The following GCA variants were observed in gnomAD, a reference collection of about 807,000 sequenced individuals.
GCA encodes the protein grancalcin, also known as grancalcin, EF-hand calcium-binding protein.
A neutral mutation model predicts 32.6 loss-of-function variants in GCA; 30 were observed. The ratio of observed to expected loss-of-function variants is 0.92; its 90% CI spans 0.69 to 1.25. GCA has a LOEUF of 1.25. Ranked by LOEUF, GCA falls within the 50% of genes most tolerant of loss-of-function variation. The pLI is 0.00. For missense variants in GCA, 291 were observed against 266.8 expected (o/e 1.09, Z -0.63); for synonymous variants, 102 against 84.6 (o/e 1.21, Z -1.13).
At chr2:162,371,363 G>A in exon 5 of GCA, 4 of 1,288,508 alleles carry the variant, frequency 3.1e-6, no homozygotes, top group Non-Finnish European at 4.1e-6. Context: ...ACCTGAATCT[G>A]TGTGCAAAAG....
chr2:162,351,548 T>A (rs76527722), intron 2 of GCA, among the ~76,000 whole-genome samples: 3 of 152,178 alleles, frequency 2.0e-5, no homozygotes, highest in African/African-American at 4.8e-5. Flanking sequence ...TCCATTAGAA[T>A]GTGAGTGTTA....
intron 1 of GCA, among the ~76,000 whole-genome samples, chr2:162,346,865 T>C (rs1247322566): frequency 6.6e-6 from 1 of 152,224 alleles, no homozygotes; most frequent in East Asian, 1.9e-4. Flanking sequence ...GTTATGGCTT[T>C]AGTTAAAACT....
intron 3 of GCA, among the ~76,000 whole-genome samples, chr2:162,354,369 A>G (rs1685151865): frequency 1.3e-5 from 2 of 152,096 alleles, no homozygotes; most frequent in South Asian, 4.1e-4. Context: ...GTGGACTCAG[A>G]AGGGTTCTCA....
At chr2:162,333,562 TC>T (rs1558886999) in intron 1 of GCA, among the ~76,000 whole-genome samples, 1 of 152,122 alleles carries the variant, frequency 6.6e-6, no homozygotes, top group African/African-American at 2.4e-5. Context: ...ATTTCATTCA[TC>T]CTTTCTCCCT....
At chr2:162,348,633 G>A (rs73014815) in intron 2 of GCA, among the ~76,000 whole-genome samples, 2 of 152,224 alleles carry the variant, frequency 1.3e-5, no homozygotes, top group Non-Finnish European at 2.9e-5. Context: ...CAATAGGGAC[G>A]TGTGAAACTG....
At chr2:162,363,411 T>A (rs1419128721), downstream of GCA, among the ~76,000 whole-genome samples, 1 of 151,394 alleles carries the variant, frequency 6.6e-6, no homozygotes, top group Non-Finnish European at 1.5e-5. Flanking sequence ...AAATACATAA[T>A]GCTAAAATAT....
At chr2:162,350,210 A>G (rs1684922059) in intron 2 of GCA, among the ~76,000 whole-genome samples, 1 of 152,172 alleles carries the variant, frequency 6.6e-6, no homozygotes, top group Non-Finnish European at 1.5e-5. Context: ...TACTGGGAGC[A>G]AGCCTTGGCT....
chr2:162,321,477 AC>A (rs1683662429), intron 1 of GCA, among the ~76,000 whole-genome samples: 1 of 151,962 alleles, frequency 6.6e-6, no homozygotes, highest in African/African-American at 2.4e-5. Context: ...TTAGTGAGAA[AC>A]CCTGGAATTG....
At position 162,349,190 on chromosome 2, in the gene GCA, T is replaced by C. The variant is rs143217485; in HGVS notation, c.192+1448T>C. ...AATTCAGTATATGGTAGAGGTAGCA[T>C]TTCATATCAGTGGGGAAAGAATGAT... is the stretch of plus-strand genomic sequence containing the variant. On this transcript the variant is annotated intron_variant, in intron 2 of 7. Coordinates refer to ENST00000437150, the MANE Select transcript of GCA (RefSeq NM_012198.5). 1.1e-4 allele frequency among the ~76,000 whole-genome samples: 16 copies of C among 152,212 alleles called. No homozygotes were observed. In the East Asian group the frequency reaches 2.7e-3, roughly 26 times the overall value.
At chr2:162,329,445 A>T (rs1161886250) in intron 1 of GCA, among the ~76,000 whole-genome samples, 1 of 152,128 alleles carries the variant, frequency 6.6e-6, no homozygotes, top group Admixed American at 6.5e-5. Flanking sequence ...AGCATTATCA[A>T]CTACAAATTT....
At chr2:162,367,846 C>T (rs1032601582), downstream of GCA, among the ~76,000 whole-genome samples, 34 of 151,936 alleles carry the variant, frequency 2.2e-4, no homozygotes, top group African/African-American at 8.2e-4. Context: ...TATCTCATTT[C>T]TTTCTCAAGC....
chr2:162,354,352 A>G (rs999827220), intron 3 of GCA, among the ~76,000 whole-genome samples: 2 of 152,164 alleles, frequency 1.3e-5, no homozygotes, highest in Admixed American at 6.5e-5. Context: ...CTGCCTGGAA[A>G]GGAGAGGTGG....
chr2:162,337,673 A>T (rs1210761232), intron 1 of GCA, among the ~76,000 whole-genome samples: 1 of 152,204 alleles, frequency 6.6e-6, no homozygotes, highest in Non-Finnish European at 1.5e-5. Context: ...CGTCATCTAC[A>T]TTAGTACCTA....
At position 162,360,883 on chromosome 2, in the gene GCA, T is replaced by C; in HGVS notation, c.*640T>C. 9.0e-7 allele frequency: 1 copy of C among 1,114,818 alleles called. No individual in the cohort carries two copies. Among genetic ancestry groups the C allele is most frequent in the Non-Finnish European group, 1.1e-6 (1 of 890,440 alleles). The allele number at this position is 1,114,818 out of a possible 1,614,324, so 69.1% of individuals were successfully genotyped here. ...ATTATATATTTTTCTTAAATATGTT[T>C]TATTGTCTTCTCTAAGCAAAAAGTT... On this transcript the variant is annotated 3_prime_UTR_variant, in exon 8 of 8. Coordinates refer to ENST00000437150, the MANE Select transcript of GCA (RefSeq NM_012198.5).
downstream of GCA, among the ~76,000 whole-genome samples, chr2:162,366,829 C>T (rs1006709523): frequency 1.3e-5 from 2 of 151,876 alleles, no homozygotes; most frequent in South Asian, 2.1e-4. Context: ...TACTGGCTTT[C>T]GCCTGCTCTG....
downstream of GCA, chr2:162,373,681 T>C (rs1446512545): frequency 1.4e-6 from 2 of 1,432,220 alleles, no homozygotes; most frequent in South Asian, 3.2e-5. Flanking sequence ...CAGACAGAAG[T>C]AGGAAAAGAC....
At chr2:162,351,597 TTTG>T (rs1231434969) in intron 2 of GCA, among the ~76,000 whole-genome samples, 1 of 152,152 alleles carries the variant, frequency 6.6e-6, no homozygotes, top group East Asian at 1.9e-4. Flanking sequence ...AGTTTTTTGT[TTTG>T]TTGTTTCTTG....
In GCA at chr2:162,361,621, C is replaced by T. The variant is rs528721734; in HGVS notation, c.*1378C>T. ...AAAAAATCCTGGAAAGGAAGTAACG[C>T]ATAGTCACTTGACACTGATAATTTT... On this transcript the variant is annotated 3_prime_UTR_variant, in exon 8 of 8. Coordinates refer to ENST00000437150, the MANE Select transcript of GCA (RefSeq NM_012198.5). 1,062 of 981,232 alleles carry T rather than the reference C, an allele frequency of 1.1e-3. No individual in the cohort carries two copies. The highest frequency in any genetic ancestry group is 1.2e-3 in the Non-Finnish European group (1,011 of 826,488). The allele number at this position is 981,232 out of a possible 1,614,324, so 60.8% of individuals were successfully genotyped here.
chr2:162,369,779 A>G (rs897825998), intron 4 of GCA, among the ~76,000 whole-genome samples: 2 of 152,092 alleles, frequency 1.3e-5, no homozygotes, highest in Non-Finnish European at 2.9e-5. Flanking sequence ...AAAATCCCAA[A>G]ATAGTCCTCT....
Sources: allele counts gnomAD v4.1 joint callset (sites outside exome capture counted in the v4.1 genomes callset), GRCh38; gene constraint gnomAD v4.1.1; transcripts MANE v1.5; gene names NCBI Gene and HGNC (gene_info 2026-07-23, HGNC 2026-07-21).